The following HDAC9 variants were observed in gnomAD, a reference collection of about 807,000 sequenced individuals.
HDAC9 encodes the protein MEF-2 interacting transcription repressor (MITR) protein.
Under a neutral mutation model 139.4 loss-of-function variants are expected in HDAC9, and 41 were observed. That is an observed-to-expected ratio of 0.29 (90% confidence interval 0.23 to 0.38). The LOEUF (loss-of-function observed/expected upper bound fraction) is 0.38, where lower values mean the gene tolerates loss of function less well. Ranked by LOEUF, HDAC9 falls within the 10% of genes least tolerant of loss-of-function variation. HDAC9 has a pLI of 1.00. For synonymous variants in HDAC9, 517 were observed against 476.2 expected (o/e 1.09, Z -1.12); for missense variants, 1,147 against 1,297.0 (o/e 0.88, Z 1.78).
intron 21 of HDAC9, among the ~76,000 whole-genome samples, chr7:18,858,135 C>G (rs1797829997): frequency 1.3e-5 from 2 of 151,976 alleles, no homozygotes; most frequent in African/African-American, 4.8e-5. Flanking sequence ...ATTCCCTTTT[C>G]AAAAAATGAA....
chr7:18,285,817 T>A (rs1013632417), upstream of HDAC9, among the ~76,000 whole-genome samples: 4 of 152,080 alleles, frequency 2.6e-5, no homozygotes, highest in African/African-American at 9.7e-5. Flanking sequence ...TGAATATATG[T>A]CAATAAGCAA....
chr7:18,895,934 T>C (rs2129275115), intron 22 of HDAC9, among the ~76,000 whole-genome samples: 1 of 152,220 alleles, frequency 6.6e-6, no homozygotes, highest in Admixed American at 6.5e-5. Context: ...AGGTAGCAGT[T>C]TCTTAGGTGT....
intron 1 of HDAC9, among the ~76,000 whole-genome samples, chr7:18,331,845 A>G (rs1231544343): frequency 6.6e-6 from 1 of 151,524 alleles, no homozygotes; most frequent in Non-Finnish European, 1.5e-5. Flanking sequence ...CTCAATAGAG[A>G]TTGCTTGAAA....
At chr7:18,893,858 A>G (rs1800924125) in intron 22 of HDAC9, among the ~76,000 whole-genome samples, 1 of 152,162 alleles carries the variant, frequency 6.6e-6, no homozygotes, top group Non-Finnish European at 1.5e-5. Flanking sequence ...GTGATAAAGG[A>G]GCAAGCTGTG....
chr7:18,147,890 G>A (rs1786465150), intron 1 of HDAC9, among the ~76,000 whole-genome samples: 1 of 151,926 alleles, frequency 6.6e-6, no homozygotes, highest in Non-Finnish European at 1.5e-5. Flanking sequence ...TGTAAGTATT[G>A]AGGTGTATCC....
At chr7:18,748,183 TA>T (rs1788144762) in intron 13 of HDAC9, among the ~76,000 whole-genome samples, 1 of 152,198 alleles carries the variant, frequency 6.6e-6, no homozygotes, top group South Asian at 2.1e-4. Context: ...CTTGTTGCTT[TA>T]AAAAGTCCTA....
chr7:18,767,682 G>A (rs1046711237), intron 16 of HDAC9, among the ~76,000 whole-genome samples: 1 of 152,048 alleles, frequency 6.6e-6, no homozygotes, highest in Non-Finnish European at 1.5e-5. Flanking sequence ...AACATATTTA[G>A]ACCACATTTC....
chr7:18,667,846 A>T (rs908847948), intron 12 of HDAC9: 1 of 984,000 alleles, frequency 1.0e-6, no homozygotes, highest in African/African-American at 1.7e-5. Context: ...TTCCCTTTTG[A>T]TATGTTTACC....
intron 2 of HDAC9, among the ~76,000 whole-genome samples, chr7:18,167,875 C>G (rs1309783964): frequency 1.3e-5 from 2 of 152,122 alleles, no homozygotes; most frequent in Non-Finnish European, 2.9e-5. Flanking sequence ...AATTTTATAC[C>G]TAGGACTGCA....
intron 1 of HDAC9, among the ~76,000 whole-genome samples, chr7:18,368,425 T>G (rs1012473873): frequency 2.6e-5 from 4 of 152,010 alleles, no homozygotes; most frequent in African/African-American, 9.7e-5. Context: ...ATATATCAAA[T>G]TTCTTATATA....
chr7:18,988,274 G>A (rs549860533), intron 25 of HDAC9, among the ~76,000 whole-genome samples: 27 of 152,030 alleles, frequency 1.8e-4, no homozygotes, highest in African/African-American at 4.8e-4. Context: ...CTTTGTTCTC[G>A]TTGGTTTCAA....
At chr7:18,319,028 G>T (rs1799847126) in intron 1 of HDAC9, among the ~76,000 whole-genome samples, 1 of 152,156 alleles carries the variant, frequency 6.6e-6, no homozygotes, top group African/African-American at 2.4e-5. Flanking sequence ...TCTGTAACCT[G>T]TAGTGTGACA....
chr7:18,507,436 G>A (rs1286393904), intron 2 of HDAC9, among the ~76,000 whole-genome samples: 1 of 151,454 alleles, frequency 6.6e-6, no homozygotes, highest in Admixed American at 6.6e-5. Flanking sequence ...CTCGTGATCC[G>A]CCCGCCTCGG....
chr7:18,909,601 C>A lies in HDAC9; in HGVS notation c.2804-26208C>A, dbSNP rs145925695. Among the ~76,000 whole-genome samples the A allele has an allele frequency of 2.9e-3, 448 of 152,030 alleles. 3 individuals carry two copies. Among genetic ancestry groups the A allele is most frequent in the African/African-American group, 9.8e-3 (405 of 41,518 alleles). The stretch of plus-strand genomic sequence containing the variant: ...GAGATGGGAGTCTAGTTTCATTGTT[C>A]TTCATATGGATATTCAGTTTTCCCA... On this transcript the variant is annotated intron_variant, in intron 22 of 25. Coordinates refer to ENST00000686413, the MANE Select transcript of HDAC9 (RefSeq NM_178425.4).
At chr7:18,364,225 T>G (rs758038071) in intron 1 of HDAC9, among the ~76,000 whole-genome samples, 2 of 152,160 alleles carry the variant, frequency 1.3e-5, no homozygotes, top group Non-Finnish European at 2.9e-5. Flanking sequence ...TGCCTGGGGC[T>G]GAATCCCTGT....
intron 1 of HDAC9, among the ~76,000 whole-genome samples, chr7:18,148,341 G>T (rs1483448364): frequency 2.0e-5 from 3 of 152,122 alleles, no homozygotes; most frequent in African/African-American, 7.2e-5. Flanking sequence ...TTGGATCATG[G>T]TCTCTCTCCT....
intron 1 of HDAC9, among the ~76,000 whole-genome samples, chr7:18,339,370 A>T (rs1253674977): frequency 6.6e-6 from 1 of 151,354 alleles, no homozygotes; most frequent in Non-Finnish European, 1.5e-5. Flanking sequence ...TTGGCTTAAG[A>T]TCTTTCTTCT....
intron 17 of HDAC9, among the ~76,000 whole-genome samples, chr7:18,795,257 TAAAAAAAAAAA>T (rs5882676): frequency 0.019 from 1,237 of 65,570 alleles, 47 homozygotes; most frequent in South Asian, 0.16. Context: ...AAGAAAACAG[TAAAAAAAAAAA>T]AAAAAAAAAA....
At chr7:18,788,274 C>T (rs1458903315) in intron 16 of HDAC9, among the ~76,000 whole-genome samples, 5 of 152,132 alleles carry the variant, frequency 3.3e-5, no homozygotes, top group African/African-American at 9.7e-5. Context: ...ATAGTTAAAC[C>T]ATTTCACAGG....
Sources: allele counts gnomAD v4.1 joint callset (sites outside exome capture counted in the v4.1 genomes callset), GRCh38; gene constraint gnomAD v4.1.1; transcripts MANE v1.5; gene names NCBI Gene and HGNC (gene_info 2026-07-23, HGNC 2026-07-21).